PTPRD: variants seen among roughly 807,000 people sequenced by gnomAD.
The protein encoded by PTPRD is receptor-type tyrosine-protein phosphatase delta.
A neutral mutation model predicts 214.5 loss-of-function variants in PTPRD; 34 were observed. The ratio of observed to expected loss-of-function variants is 0.16; its 90% CI spans 0.12 to 0.21. The LOEUF is 0.21. Ranked by LOEUF, PTPRD falls within the 10% of genes least tolerant of loss-of-function variation. The pLI is 1.00. For synonymous variants in PTPRD, 1,128 were observed against 845.7 expected (o/e 1.33, Z -5.79); for missense variants, 2,545 against 2,398.7 (o/e 1.06, Z -1.27).
At chr9:8,472,375 GAATCACAGAGACC>G (rs1323280185) in intron 30 of PTPRD, among the ~76,000 whole-genome samples, 1 of 152,148 alleles carries the variant, frequency 6.6e-6, no homozygotes, top group Non-Finnish European at 1.5e-5. Context: ...GTGTCACACT[GAATCACAGAGACC>G]AATCACAGAG....
chr9:9,084,027 G>A (rs1294153968), intron 10 of PTPRD, among the ~76,000 whole-genome samples: 8 of 151,974 alleles, frequency 5.3e-5, no homozygotes, highest in East Asian at 3.9e-4. Context: ...CAGAAATACC[G>A]TTTGACCCAG....
intron 9 of PTPRD, among the ~76,000 whole-genome samples, chr9:9,302,032 A>G (rs577515385): frequency 1.7e-4 from 26 of 152,072 alleles, no homozygotes; most frequent in Admixed American, 1.4e-3. Context: ...CATCTTTAGC[A>G]AATTGATAAA....
At chr9:10,336,623 G>A (rs1165430594) in intron 3 of PTPRD, among the ~76,000 whole-genome samples, 1 of 151,406 alleles carries the variant, frequency 6.6e-6, no homozygotes, top group Non-Finnish European at 1.5e-5. Flanking sequence ...AAGAATATTA[G>A]GTCTAGGTAA....
chr9:8,665,384 G>A (rs1002488902), intron 12 of PTPRD, among the ~76,000 whole-genome samples: 3 of 152,140 alleles, frequency 2.0e-5, no homozygotes, highest in Non-Finnish European at 4.4e-5. Flanking sequence ...ATTATCTGGA[G>A]CTTGCTTTTA....
At chr9:10,263,789 C>T (rs1237021532) in intron 3 of PTPRD, among the ~76,000 whole-genome samples, 2 of 152,076 alleles carry the variant, frequency 1.3e-5, no homozygotes, top group African/African-American at 2.4e-5. Flanking sequence ...ATGGTGAAAA[C>T]GTCCCTAGGG....
At chr9:8,663,517 G>A (rs1427872721) in intron 12 of PTPRD, among the ~76,000 whole-genome samples, 1 of 152,094 alleles carries the variant, frequency 6.6e-6, no homozygotes, top group Non-Finnish European at 1.5e-5. Context: ...TTGGGAGGCA[G>A]TCTCACTCTG....
chr9:8,707,831 C>A (rs1338404275), intron 12 of PTPRD, among the ~76,000 whole-genome samples: 1 of 152,178 alleles, frequency 6.6e-6, no homozygotes, highest in African/African-American at 2.4e-5. Context: ...CCACAGTGTT[C>A]ACATCTGTCA....
intron 5 of PTPRD, among the ~76,000 whole-genome samples, chr9:9,839,247 A>T (rs1445895870): frequency 2.6e-5 from 4 of 152,170 alleles, no homozygotes; most frequent in African/African-American, 4.8e-5. Flanking sequence ...AATTAGGAAA[A>T]GAGGAAGTCA....
rs528499810 is a variant in PTPRD at position 9,565,877 on chromosome 9, C to A, written c.-237+8855G>T. Among the ~76,000 whole-genome samples the A allele has an allele frequency of 2.6e-5, 4 of 151,932 alleles. No homozygotes were observed. In the East Asian group the frequency reaches 7.7e-4, roughly 29 times the overall value. Reference sequence around the variant, plus strand: ...GAGAAATGAGATAAATGAAAATGACCAAGTAACCCTACTTAAACCCCTTTG... The same window carrying A: ...GAGAAATGAGATAAATGAAAATGACAAAGTAACCCTACTTAAACCCCTTTG... On this transcript the variant is annotated intron_variant, in intron 8 of 45. Transcript: ENST00000381196.
chr9:10,371,182 T>C (rs543165672), intron 2 of PTPRD, among the ~76,000 whole-genome samples: 1 of 152,074 alleles, frequency 6.6e-6, no homozygotes, highest in East Asian at 1.9e-4. Flanking sequence ...ATTTTGAATG[T>C]TAGATATTGT....
At chr9:10,085,532 T>C (rs539626046) in intron 3 of PTPRD, among the ~76,000 whole-genome samples, 1 of 151,886 alleles carries the variant, frequency 6.6e-6, no homozygotes. Context: ...CAGCACAATA[T>C]GTCATAAGAG....
At chr9:8,816,163 T>C (rs940217949) in intron 11 of PTPRD, among the ~76,000 whole-genome samples, 2 of 152,188 alleles carry the variant, frequency 1.3e-5, no homozygotes, top group African/African-American at 4.8e-5. Context: ...AAATTATTGA[T>C]AAATTGCAGA....
At chr9:9,872,160 T>C (rs1336674066) in intron 5 of PTPRD, among the ~76,000 whole-genome samples, 1 of 152,158 alleles carries the variant, frequency 6.6e-6, no homozygotes, top group African/African-American at 2.4e-5. Context: ...CATGTTCCCA[T>C]AAACGAAAGG....
chr9:9,652,559 C>G (rs958588934), intron 7 of PTPRD, among the ~76,000 whole-genome samples: 15 of 151,706 alleles, frequency 9.9e-5, no homozygotes, highest in Admixed American at 9.8e-4. Flanking sequence ...TCCTTCAGGA[C>G]AAATTCAAGG....
chr9:10,497,254 T>C (rs549409024), intron 2 of PTPRD, among the ~76,000 whole-genome samples: 1 of 151,966 alleles, frequency 6.6e-6, no homozygotes, highest in African/African-American at 2.4e-5. Flanking sequence ...TCATGCAACA[T>C]ACTCATGCGG....
At chr9:8,728,599 CCTAA>C (rs2098615061) in intron 12 of PTPRD, among the ~76,000 whole-genome samples, 1 of 152,214 alleles carries the variant, frequency 6.6e-6, no homozygotes, top group African/African-American at 2.4e-5. Flanking sequence ...CCTTTCCTTT[CCTAA>C]CTTTTTTGGG....
Position 8,346,601 on chromosome 9 carries a change from G to T in PTPRD, c.4662-4623C>A, listed in dbSNP as rs1370054802. On this transcript the variant is annotated intron_variant, in intron 39 of 45. Coordinates refer to ENST00000381196, the MANE Select transcript of PTPRD (RefSeq NM_002839.4). Reference sequence around the variant, plus strand: ...CCAGTGTATCCATGCTATACAGGCTGCCTGCCTGTTAGTCACTTAGTAGCC... The same window carrying T: ...CCAGTGTATCCATGCTATACAGGCTTCCTGCCTGTTAGTCACTTAGTAGCC... Among the ~76,000 whole-genome samples, 3 of 152,220 alleles carry T rather than the reference G, an allele frequency of 2.0e-5. No homozygotes were observed. The East Asian group carries it at 5.8e-4, about 29-fold the overall frequency.
chr9:8,935,304 T>C (rs896893689), intron 11 of PTPRD, among the ~76,000 whole-genome samples: 11 of 152,184 alleles, frequency 7.2e-5, no homozygotes, highest in African/African-American at 2.7e-4. Context: ...TTCTATATAC[T>C]AGCAATTATT....
intron 11 of PTPRD, among the ~76,000 whole-genome samples, chr9:8,746,235 G>A (rs941810966): frequency 1.3e-5 from 2 of 152,150 alleles, no homozygotes; most frequent in Non-Finnish European, 2.9e-5. Context: ...CAGCCTGAGT[G>A]CACTTTATTA....
Sources: allele counts gnomAD v4.1 joint callset (sites outside exome capture counted in the v4.1 genomes callset), GRCh38; gene constraint gnomAD v4.1.1; transcripts MANE v1.5; gene names NCBI Gene and HGNC (gene_info 2026-07-23, HGNC 2026-07-21).